The following PER1 variants were observed in gnomAD, a reference collection of about 807,000 sequenced individuals.
The protein encoded by PER1 is period circadian protein homolog 1.
A neutral mutation model predicts 125.9 loss-of-function variants in PER1; 87 were observed. The observed-to-expected ratio is 0.69, with a 90% CI of 0.58 to 0.83. The LOEUF (loss-of-function observed/expected upper bound fraction) is 0.83. Ranked by LOEUF, PER1 falls within the 40% of genes least tolerant of loss-of-function variation. The pLI is 0.00. For synonymous variants in PER1, 801 were observed against 714.7 expected, an observed-to-expected ratio of 1.12 and a Z score of -1.93; for missense variants, 1,775 against 1,722.8, an observed-to-expected ratio of 1.03 and a Z score of -0.54.
rs1032911434 is a variant in PER1, at chr17:8,148,952, G to A, written c.906-166C>T. On this transcript the variant is annotated intron_variant, in intron 7 of 22. Transcript: ENST00000317276. ...GCCTTTAATCCCAGCACTTTGGGAGGCCAAGGCAGGCGGATCACCTGAGGT... is the reference window on the plus strand; with the variant it reads ...GCCTTTAATCCCAGCACTTTGGGAGACCAAGGCAGGCGGATCACCTGAGGT... 1.3e-5 allele frequency: 10 copies of A among 759,762 alleles called. No individual in the cohort carries two copies. The Admixed American group carries it at 1.4e-4, about 11-fold the overall frequency. 47.1% of individuals were successfully genotyped at this position (759,762 alleles called of 1,614,324 possible).
chr17:8,146,473 G>A lies in PER1; in HGVS notation c.1937C>T (p.Thr646Ile). 6.2e-7 allele frequency: 1 copy of A among 1,613,704 alleles called. No homozygotes were observed. The highest frequency in any genetic ancestry group is 1.1e-5 in the South Asian group (1 of 91,014). ...RYLESCNLPS[T>I]TKRKCASSSS... ...GGAGGAGGCACATTTACGCTTAGTG[G>A]TGCTGGGGAGGTTGCAGCTCTCCAG... The change falls in exon 16 of 23, where the codon ACC (threonine) becomes ATC (isoleucine). Residue 646 changes from threonine to isoleucine, a missense_variant. Thr to Ile is a moderately conservative substitution (Grantham distance 89). Coordinates refer to ENST00000317276, the MANE Select transcript of PER1 (RefSeq NM_002616.3).
At position 8,144,989 on chromosome 17, in the gene PER1, G is replaced by A. The variant is rs774746823; in HGVS notation, c.2223C>T (p.Ile741=). ...VGDKKPPESD[I]IMMEDLPGLA... ...GGCCAGGCAGGTCCTCCATCATGAT[G>A]ATGTCTGAGGAGAGTGAGATAGGGA... Residue 741 remains isoleucine, a synonymous_variant, in exon 18 of 23, where the codon ATC becomes ATT. Coordinates refer to ENST00000317276, the MANE Select transcript of PER1 (RefSeq NM_002616.3). The A allele has an allele frequency of 1.6e-5, 24 of 1,478,474 alleles. No homozygotes were observed. The highest frequency in any genetic ancestry group is 2.1e-5 in the Non-Finnish European group (23 of 1,113,274). 91.6% of individuals were successfully genotyped at this position (1,478,474 alleles called of 1,614,324 possible).
chr17:8,150,905 G>C (rs1411184753), intron 1 of PER1, 60 bp from the exon 2 acceptor site: 2 of 541,766 alleles, frequency 3.7e-6, no homozygotes, highest in Middle Eastern at 9.5e-4. Flanking sequence ...CAGAGCACCT[G>C]CTGGCTTCAC....
Position 8,140,720 on chromosome 17 carries a change from A to C in PER1, c.*348T>G. 1 of 262,838 alleles carries C rather than the reference A, an allele frequency of 3.8e-6. No individual in the cohort carries two copies. 16.3% of individuals were successfully genotyped at this position (262,838 alleles called of 1,614,324 possible). On this transcript the variant is annotated 3_prime_UTR_variant, in exon 23 of 23. Transcript: ENST00000317276. ...GGAGAGAGAGCTGTCTCCCCGCAAT[A>C]AATAAGTGCAGCCCCAACCCTCAAG...
At chr17:8,145,067 G>T in intron 17 of PER1, 74 bp from the exon 18 acceptor site, 1 of 1,351,090 alleles carries the variant, frequency 7.4e-7, no homozygotes. Context: ...CACCCTCCCT[G>T]TCTGATAGCC....
rs200566780 is a variant in PER1, at chr17:8,141,903, T to C, written c.3502A>G (p.Lys1168Glu). 173 of 1,614,022 alleles carry C rather than the reference T, an allele frequency of 1.1e-4. No homozygotes were observed. The highest frequency in any genetic ancestry group is 1.4e-4 in the Non-Finnish European group (167 of 1,180,040). ...TCCTCAGAAAACCGAGGCTGCTGCT[T>C]CTGCATGGCTCGGAGCCGCTCCCGA... ...QDRERLRAMQ[K>E]QQPRFSEDQR... Residue 1168 changes from lysine (K) to glutamate (E), a missense_variant, in exon 22 of 23, where the codon AAG becomes GAG. Transcript: ENST00000317276.
chr17:8,147,213 G>C, intron 13 of PER1, 37 bp downstream of exon 13: 1 of 1,576,108 alleles, frequency 6.3e-7, no homozygotes, highest in South Asian at 1.2e-5. Flanking sequence ...AGAGGGGAAA[G>C]GGCGATTAGA....
Position 8,149,270 on chromosome 17 carries a change from G to C in PER1, c.894C>G (p.Phe298Leu). ...LRDFTQEKSV[F>L]CRIRGGPDRD... ...TTCCCCTCACCTACCTGATACGGCA[G>C]AAGACGGACTTCTCCTGGGTAAAGT... The change falls in exon 7 of 23, where the codon TTC (phenylalanine) becomes TTG (leucine). Residue 298 changes from phenylalanine to leucine, a missense_variant. Phe to Leu is a conservative substitution (Grantham distance 22). Transcript: ENST00000317276. 1 of 1,613,698 alleles carries C rather than the reference G, an allele frequency of 6.2e-7. No individual in the cohort carries two copies. The highest frequency in any genetic ancestry group is 8.5e-7 in the Non-Finnish European group (1 of 1,179,864).
chr17:8,147,121 G>A (rs746033166), intron 13 of PER1, 119 bp from the exon 14 acceptor site: 98 of 1,408,108 alleles, frequency 7.0e-5, no homozygotes, highest in Non-Finnish European at 4.1e-5. Flanking sequence ...ATGGGAGCAG[G>A]ACAAGAAGGA....
chr17:8,147,231 G>A lies in PER1; in HGVS notation c.1629+19C>T, dbSNP rs752680991. ...GGGGAAAGGGCGATTAGAGGGTGAG[G>A]TAGGAGCAGGTCACTCACTGGCGCA... On this transcript the variant is annotated intron_variant, in intron 13 of 22. Coordinates refer to ENST00000317276, the MANE Select transcript of PER1 (RefSeq NM_002616.3). 17 of 1,594,590 alleles carry A rather than the reference G, an allele frequency of 1.1e-5. No individual in the cohort carries two copies. The highest frequency in any genetic ancestry group is 5.3e-5 in the Admixed American group (3 of 56,838).
chr17:8,146,190 G>A (rs2151860496), intron 16 of PER1, 53 bp from the exon 17 acceptor site: 1 of 1,549,022 alleles, frequency 6.5e-7, no homozygotes, highest in Admixed American at 1.9e-5. Flanking sequence ...GGGAAGTCAG[G>A]AGAGAGGATC....
intron 22 of PER1, 118 bp from the exon 23 acceptor site, chr17:8,141,458 G>C: frequency 8.3e-7 from 1 of 1,210,020 alleles, no homozygotes; most frequent in Non-Finnish European, 1.1e-6. Flanking sequence ...AGAAGCACCA[G>C]TCCACACAGA....
rs202023745 is a variant in PER1, at chr17:8,141,222, C to T, written c.3719G>A (p.Ser1240Asn). Residue 1240 changes from serine to asparagine, a missense_variant, in exon 23 of 23, where the codon AGC (serine) becomes AAC (asparagine). By Grantham distance (46) the Ser-to-Asn change is conservative. Transcript: ENST00000317276. ...TCCCTCACCACTGCCGCCACCGCTGCTGCCCTGCTCGCCTCCACCCTCTTC... is the reference window on the plus strand; with the variant it reads ...TCCCTCACCACTGCCGCCACCGCTGTTGCCCTGCTCGCCTCCACCCTCTTC... ...PMEEGGGEQG[S>N]SGGGSGEGEG... 1.1e-5 allele frequency: 18 copies of T among 1,614,224 alleles called. No homozygotes were observed. The East Asian group carries it at 2.9e-4, about 26-fold the overall frequency.
At chr17:8,142,048 C>A in intron 21 of PER1, 93 bp from the exon 22 acceptor site, 1 of 1,505,424 alleles carries the variant, frequency 6.6e-7, no homozygotes, top group Non-Finnish European at 9.1e-7. Flanking sequence ...CACAGCTTCC[C>A]ACCTCATGCT....
chr17:8,147,898 G>C, intron 10 of PER1, 71 bp from the exon 11 acceptor site: 1 of 1,591,024 alleles, frequency 6.3e-7, no homozygotes, highest in South Asian at 1.1e-5. Flanking sequence ...CATGCCACTA[G>C]AGATCCAGGA....
chr17:8,145,041 C>T, intron 17 of PER1, 48 bp from the exon 18 acceptor site: 2 of 1,424,208 alleles, frequency 1.4e-6, no homozygotes, highest in Non-Finnish European at 9.2e-7. Context: ...CTTCAGGGGT[C>T]AACACATCCA....
chr17:8,146,241 G>A (rs1982428126), intron 16 of PER1, 104 bp from the exon 17 acceptor site: 1 of 1,521,022 alleles, frequency 6.6e-7, no homozygotes, highest in Non-Finnish European at 8.9e-7. Context: ...GGAACAGAGG[G>A]AACAGTCTGG....
intron 16 of PER1, 71 bp from the exon 17 acceptor site, chr17:8,146,208 A>G (rs1982425436): frequency 7.2e-6 from 11 of 1,538,386 alleles, no homozygotes; most frequent in Non-Finnish European, 9.6e-6. Flanking sequence ...ATCCCAGGGA[A>G]AAGGGGAAGG....
At chr17:8,142,138 C>T (rs1982117876) in intron 21 of PER1, 131 bp downstream of exon 21, 3 of 1,106,830 alleles carry the variant, frequency 2.7e-6, no homozygotes, top group African/African-American at 3.1e-5. Flanking sequence ...GAACTAGTAA[C>T]AGGGCTCCAA....
Sources: allele counts gnomAD v4.1 joint callset, GRCh38; gene constraint gnomAD v4.1.1; transcripts MANE v1.5; gene names NCBI Gene and HGNC (gene_info 2026-07-23, HGNC 2026-07-21).